Variants in TAFA1 observed in about 807,000 individuals in gnomAD.
TAFA1 encodes the protein chemokine-like protein TAFA-1.
Under a neutral mutation model 18.5 loss-of-function variants are expected in TAFA1, and 4 were observed. The observed-to-expected ratio is 0.22, with a 90% CI of 0.11 to 0.49. The LOEUF (loss-of-function observed/expected upper bound fraction) is 0.49, where lower values mean the gene tolerates loss of function less well. Among genes scored for constraint, TAFA1 ranks in the 20% least tolerant of loss-of-function variants. TAFA1 has a pLI of 0.98. For synonymous variants in TAFA1, 56 were observed against 55.2 expected (o/e 1.01, Z -0.06); for missense variants, 147 against 169.0 (o/e 0.87, Z 0.72).
At chr3:68,248,065 C>T (rs1248597566) in intron 2 of TAFA1, among the ~76,000 whole-genome samples, 2 of 152,138 alleles carry the variant, frequency 1.3e-5, no homozygotes, top group African/African-American at 4.8e-5. Context: ...TAGTTGCAGA[C>T]TGTTGGGGGA....
chr3:68,394,686 C>A (rs1301373683), intron 2 of TAFA1, among the ~76,000 whole-genome samples: 2 of 151,952 alleles, frequency 1.3e-5, no homozygotes, highest in Non-Finnish European at 2.9e-5. Flanking sequence ...CAAACAAAAA[C>A]AAGCAATGGG....
chr3:68,261,648 C>T (rs963431929), intron 2 of TAFA1, among the ~76,000 whole-genome samples: 5 of 152,090 alleles, frequency 3.3e-5, no homozygotes, highest in African/African-American at 4.8e-5. Context: ...CCATCATTCT[C>T]AGCAAACTAT....
chr3:68,019,765 AAACAAC>A (rs371175020), intron 2 of TAFA1, among the ~76,000 whole-genome samples: 1 of 151,868 alleles, frequency 6.6e-6, no homozygotes, highest in African/African-American at 2.4e-5. Context: ...CATCAAAAAC[AAACAAC>A]AACAACAACA....
At chr3:68,432,281 T>C (rs1306160861) in intron 3 of TAFA1, among the ~76,000 whole-genome samples, 1 of 151,924 alleles carries the variant, frequency 6.6e-6, no homozygotes, top group African/African-American at 2.4e-5. Context: ...CCACAGTCTC[T>C]TTTTCTATAA....
chr3:68,311,243 A>T (rs1016622937), intron 2 of TAFA1, among the ~76,000 whole-genome samples: 1 of 152,180 alleles, frequency 6.6e-6, no homozygotes, highest in African/African-American at 2.4e-5. Context: ...GGGAGCTACA[A>T]GATGAGATTT....
intron 2 of TAFA1, among the ~76,000 whole-genome samples, chr3:68,398,790 G>A (rs1359051545): frequency 6.6e-6 from 1 of 152,152 alleles, no homozygotes; most frequent in Non-Finnish European, 1.5e-5. Context: ...GTCATAAAAT[G>A]TCTGCTGTCA....
At chr3:68,078,835 T>C (rs1276080926) in intron 2 of TAFA1, among the ~76,000 whole-genome samples, 4 of 152,226 alleles carry the variant, frequency 2.6e-5, no homozygotes, top group Non-Finnish European at 5.9e-5. Flanking sequence ...TAAAATGAGT[T>C]AGGGAGGATT....
chr3:68,529,086 C>T (rs1421462229), intron 3 of TAFA1, among the ~76,000 whole-genome samples: 1 of 151,758 alleles, frequency 6.6e-6, no homozygotes, highest in Non-Finnish European at 1.5e-5. Flanking sequence ...TACCCCATGC[C>T]ACTCAAAGAT....
chr3:68,179,054 C>T (rs2066163258), intron 2 of TAFA1, among the ~76,000 whole-genome samples: 1 of 152,192 alleles, frequency 6.6e-6, no homozygotes, highest in Non-Finnish European at 1.5e-5. Flanking sequence ...GTGCTAAGAA[C>T]ACACTTATTT....
intron 3 of TAFA1, among the ~76,000 whole-genome samples, chr3:68,440,153 C>G (rs983130037): frequency 9.9e-5 from 15 of 151,960 alleles, no homozygotes; most frequent in African/African-American, 3.4e-4. Flanking sequence ...CTGCACTGTT[C>G]TCATGATAGT....
At chr3:68,146,877 C>G (rs1413813357) in intron 2 of TAFA1, among the ~76,000 whole-genome samples, 1 of 151,956 alleles carries the variant, frequency 6.6e-6, no homozygotes, top group East Asian at 1.9e-4. Flanking sequence ...AGTGGTAAGC[C>G]TACCTTTATA....
intron 2 of TAFA1, among the ~76,000 whole-genome samples, chr3:68,160,835 G>C (rs1005388066): frequency 6.6e-6 from 1 of 152,158 alleles, no homozygotes; most frequent in Non-Finnish European, 1.5e-5. Flanking sequence ...AAGGGTTTAG[G>C]TCAGGTCTGG....
At chr3:68,402,522 A>C (rs2070517705) in intron 2 of TAFA1, among the ~76,000 whole-genome samples, 1 of 152,172 alleles carries the variant, frequency 6.6e-6, no homozygotes, top group Non-Finnish European at 1.5e-5. Flanking sequence ...GGGAGTAATA[A>C]ATTTTTCTAC....
intron 2 of TAFA1, among the ~76,000 whole-genome samples, chr3:68,416,378 A>T (rs1389077782): frequency 6.6e-6 from 1 of 152,160 alleles, no homozygotes; most frequent in African/African-American, 2.4e-5. Context: ...TGCTTGGTGA[A>T]TTTTTGCCAA....
intron 2 of TAFA1, among the ~76,000 whole-genome samples, chr3:68,131,987 G>A (rs182637597): frequency 3.3e-5 from 5 of 151,944 alleles, no homozygotes; most frequent in South Asian, 4.2e-4. Flanking sequence ...TCATCAACCC[G>A]TCATCTACAT....
intron 2 of TAFA1, among the ~76,000 whole-genome samples, chr3:68,023,475 G>C (rs545393872): frequency 6.6e-6 from 1 of 152,220 alleles, no homozygotes; most frequent in East Asian, 1.9e-4. Flanking sequence ...GGTAGCAAGG[G>C]GCCATGAAGT....
chr3:68,467,820 G>A (rs899137062), intron 3 of TAFA1, among the ~76,000 whole-genome samples: 3 of 152,112 alleles, frequency 2.0e-5, no homozygotes, highest in African/African-American at 4.8e-5. Context: ...TGCTAAAACG[G>A]GAAAATGCAG....
chr3:68,417,614 C>CA (rs1014211772), intron 3 of TAFA1, 194 bp downstream of exon 3: 2 of 586,700 alleles, frequency 3.4e-6, no homozygotes, highest in Admixed American at 3.3e-5. Context: ...GTTTTTTCCC[C>CA]AAAAAATAGA....
At chr3:68,322,003 C>CTG (rs2068703357) in intron 2 of TAFA1, among the ~76,000 whole-genome samples, 1 of 152,144 alleles carries the variant, frequency 6.6e-6, no homozygotes, top group Non-Finnish European at 1.5e-5. Context: ...TTTCCCACAG[C>CTG]TGCATGTACA....
Sources: gnomAD v4.1 joint callset for allele counts (sites outside exome capture counted in the v4.1 genomes callset) on GRCh38, gnomAD v4.1.1 for gene constraint, MANE v1.5 for transcripts, NCBI Gene and HGNC (gene_info 2026-07-23, HGNC 2026-07-21) for gene names.